The following EYS variants were observed in gnomAD, a reference collection of about 807,000 sequenced individuals.
EYS encodes EGF-like photoreceptor maintenance factor.
In EYS, 250 loss-of-function variants were observed where a neutral mutation model predicts 282.1. The observed-to-expected ratio is 0.89, with a 90% confidence interval of 0.80 to 0.98. The LOEUF is 0.98. EYS is among the 50% of genes least tolerant of loss of function. EYS has a pLI of 0.00. For missense variants in EYS, 4,016 were observed against 3,709.0 expected (o/e 1.08, Z -2.15); for synonymous variants, 1,355 against 1,282.9 (o/e 1.06, Z -1.20).
chr6:64,441,891 G>A (rs1206888627), intron 26 of EYS, among the ~76,000 whole-genome samples: 1 of 152,160 alleles, frequency 6.6e-6, no homozygotes, highest in Non-Finnish European at 1.5e-5. Context: ...CCAGTCTCAG[G>A]TATGTTTTTA....
At chr6:64,432,698 T>C (rs1005057206) in intron 28 of EYS, among the ~76,000 whole-genome samples, 2 of 151,874 alleles carry the variant, frequency 1.3e-5, no homozygotes, top group Admixed American at 6.6e-5. Flanking sequence ...TTACAGAAAA[T>C]ACATGTGCCA....
chr6:64,554,002 C>T (rs1390859710), intron 26 of EYS, among the ~76,000 whole-genome samples: 2 of 152,010 alleles, frequency 1.3e-5, no homozygotes, highest in Non-Finnish European at 2.9e-5. Context: ...AATAAACTCA[C>T]TTTTAAAATA....
At chr6:64,342,506 A>G (rs928202991) in intron 29 of EYS, among the ~76,000 whole-genome samples, 20 of 152,136 alleles carry the variant, frequency 1.3e-4, no homozygotes, top group African/African-American at 4.3e-4. Context: ...TTTACAAACA[A>G]GCAAATGCTG....
intron 31 of EYS, among the ~76,000 whole-genome samples, chr6:64,164,530 CT>C (rs1277273722): frequency 6.6e-6 from 1 of 152,094 alleles, no homozygotes; most frequent in Admixed American, 6.6e-5. Flanking sequence ...GCAATATCTC[CT>C]TTGCACTATA....
At chr6:64,051,591 T>A (rs1264953617) in intron 33 of EYS, among the ~76,000 whole-genome samples, 1 of 152,156 alleles carries the variant, frequency 6.6e-6, no homozygotes, top group African/African-American at 2.4e-5. Flanking sequence ...AATAGTGACT[T>A]GCCCATAGTT....
At chr6:64,174,200 A>G (rs1013727455) in intron 31 of EYS, among the ~76,000 whole-genome samples, 5 of 152,054 alleles carry the variant, frequency 3.3e-5, no homozygotes, top group African/African-American at 1.2e-4. Context: ...GCAAAGTCTC[A>G]TTTTTCAACT....
intron 22 of EYS, among the ~76,000 whole-genome samples, chr6:64,766,223 G>C (rs1157532197): frequency 1.3e-5 from 2 of 151,496 alleles, no homozygotes; most frequent in Non-Finnish European, 2.9e-5. Flanking sequence ...CCACTGCACT[G>C]GCCCCTCCCC....
intron 13 of EYS, among the ~76,000 whole-genome samples, chr6:65,011,519 C>A (rs1012844827): frequency 1.3e-5 from 2 of 152,160 alleles, no homozygotes; most frequent in African/African-American, 4.8e-5. Context: ...ATTGAAGACA[C>A]CCCTCCCGAG....
intron 35 of EYS, among the ~76,000 whole-genome samples, chr6:63,900,973 C>CA (rs1190068424): frequency 6.6e-6 from 1 of 151,996 alleles, no homozygotes; most frequent in Admixed American, 6.5e-5. Flanking sequence ...CAGTACTCAA[C>CA]AAAAAAAGTA....
At chr6:65,706,256 T>C (rs1461065095) in intron 1 of EYS, among the ~76,000 whole-genome samples, 1 of 151,884 alleles carries the variant, frequency 6.6e-6, no homozygotes, top group African/African-American at 2.4e-5. Context: ...CAATTAACTT[T>C]GAAAATAACA....
Position 64,066,454 on chromosome 6 carries a change from TAAATG to T in EYS, c.6604_6608del (p.His2202IlefsTer10). ...CTGATGGCCTTCCTTCCACAAGAAATAAATGAAGAAACTGCTTTCCACAATTATTC... is the reference window on the plus strand; with the variant it reads ...CTGATGGCCTTCCTTCCACAAGAAATAAGAAACTGCTTTCCACAATTATTC... On this transcript the variant is annotated frameshift_variant, in exon 33 of 43. Transcript: ENST00000503581. LOFTEE classifies it high-confidence loss of function. 6.5e-7 allele frequency: 1 copy of T among 1,547,436 alleles called. No homozygotes were observed.
At chr6:64,832,458 T>A (rs922760071) in intron 19 of EYS, among the ~76,000 whole-genome samples, 4 of 151,794 alleles carry the variant, frequency 2.6e-5, no homozygotes, top group African/African-American at 9.7e-5. Flanking sequence ...AGAAAATGCG[T>A]AGTTGTTCAA....
intron 30 of EYS, among the ~76,000 whole-genome samples, chr6:64,235,196 G>A (rs914144444): frequency 2.7e-5 from 4 of 150,442 alleles, no homozygotes; most frequent in South Asian, 2.1e-4. Flanking sequence ...CCATTAACTC[G>A]TCATTTAGCA....
At chr6:64,406,315 G>A (rs994935043) in intron 28 of EYS, among the ~76,000 whole-genome samples, 3 of 152,170 alleles carry the variant, frequency 2.0e-5, no homozygotes, top group African/African-American at 7.2e-5. Context: ...ATTAACTCAA[G>A]ATGGATTAAA....
In EYS at chr6:64,222,925, G is replaced by A. The variant is rs866469240; in HGVS notation, c.6424+7667C>T. ...TTATATTAAGTCCAAGAAAATTATC[G>A]GTACTTACAGTTTTCCTTTTAAAAA... On this transcript the variant is annotated intron_variant, in intron 31 of 42. Coordinates refer to ENST00000503581, the MANE Select transcript of EYS (RefSeq NM_001142800.2). Among the ~76,000 whole-genome samples the A allele has an allele frequency of 2.2e-4, 33 of 151,354 alleles. No individual in the cohort carries two copies. The Middle Eastern group carries it at 0.01, about 47-fold the overall frequency.
chr6:65,363,766 T>A (rs1363661822), intron 8 of EYS, among the ~76,000 whole-genome samples: 1 of 151,864 alleles, frequency 6.6e-6, no homozygotes, highest in Non-Finnish European at 1.5e-5. Context: ...TTAGATTAAA[T>A]ATATGTGTCA....
chr6:64,537,009 G>GTT (rs1324933681), intron 26 of EYS, among the ~76,000 whole-genome samples: 1 of 144,944 alleles, frequency 6.9e-6, no homozygotes, highest in African/African-American at 2.5e-5. Context: ...TATTTATTTT[G>GTT]TTTTTTTTTT....
chr6:64,180,137 T>C (rs547641606), intron 31 of EYS, among the ~76,000 whole-genome samples: 1 of 152,258 alleles, frequency 6.6e-6, no homozygotes, highest in South Asian at 2.1e-4. Flanking sequence ...ATACTGAGAA[T>C]ACTATCAGTT....
chr6:64,377,694 G>C (rs1409544391), intron 29 of EYS: 1 of 151,956 alleles, frequency 6.6e-6, no homozygotes, highest in Non-Finnish European at 1.5e-5. Context: ...GTAAAGTTGT[G>C]TTTTTGATTT....
Sources: gnomAD v4.1 joint callset for allele counts (sites outside exome capture counted in the v4.1 genomes callset) on GRCh38, gnomAD v4.1.1 for gene constraint, MANE v1.5 for transcripts, NCBI Gene and HGNC (gene_info 2026-07-23, HGNC 2026-07-21) for gene names.